The following XRN2 variants were observed in gnomAD, a reference collection of about 807,000 sequenced individuals.
XRN2 encodes the protein 5'-3' exoribonuclease 2, also known as DHM1-like protein.
In XRN2, 44 loss-of-function variants were observed where a neutral mutation model predicts 138.5. That is an observed-to-expected ratio of 0.32 (90% CI 0.25 to 0.41). The LOEUF is 0.41. Among genes scored for constraint, XRN2 ranks in the 10% least tolerant of loss-of-function variants. XRN2 has a pLI of 1.00. For missense variants in XRN2, 937 were observed against 1,169.3 expected, an observed-to-expected ratio of 0.80 and a Z score of 2.90; for synonymous variants, 354 against 369.4, an observed-to-expected ratio of 0.96 and a Z score of 0.48.
chr20:21,353,146 T>A (rs192672999), intron 20 of XRN2, among the ~76,000 whole-genome samples: 2 of 145,518 alleles, frequency 1.4e-5, no homozygotes, highest in African/African-American at 5.0e-5. Flanking sequence ...ATATAATATT[T>A]AATATTTAAT....
chr20:21,377,264 C>CTTTTTTTTTTTTTTTTTTTTTTTTTTTTT lies in XRN2; in HGVS notation c.2585-4716_2585-4715insTTTTTTTTTTTTTTTTTTTTTTTTTTTTT, dbSNP rs761622310. ...CCAACATATGATTTGTCGGTTTTTTCTTTTTTTTTTTTTTGGTCAGTCTTG... is the reference window on the plus strand; with the variant it reads ...CCAACATATGATTTGTCGGTTTTTTCTTTTTTTTTTTTTTTTTTTTTTTTTTTTTTTTTTTTTTTTTTTGGTCAGTCTTG... On this transcript the variant is annotated intron_variant, in intron 27 of 29. Transcript: ENST00000377191. 6.5e-4 allele frequency among the ~76,000 whole-genome samples: 54 copies of CTTTTTTTTTTTTTTTTTTTTTTTTTTTTT among 82,790 alleles called. 12 individuals carry two copies. Among genetic ancestry groups the CTTTTTTTTTTTTTTTTTTTTTTTTTTTTT allele is most frequent in the Admixed American group, 1.3e-3 (8 of 6,084 alleles). The allele number at this position is 82,790 out of a possible 152,430, so 54.3% of individuals were successfully genotyped here. A position where few individuals can be genotyped will look rare whatever the true frequency, so the allele number is the denominator to read the frequency against.
At chr20:21,358,789 A>G (rs193181434) in intron 24 of XRN2, among the ~76,000 whole-genome samples, 36 of 152,270 alleles carry the variant, frequency 2.4e-4, no homozygotes, top group Admixed American at 7.8e-4. Context: ...CTTTACACCT[A>G]ATTTGTCCTG....
At chr20:21,359,060 A>G (rs1057221725) in intron 24 of XRN2, among the ~76,000 whole-genome samples, 1 of 152,178 alleles carries the variant, frequency 6.6e-6, no homozygotes, top group Non-Finnish European at 1.5e-5. Flanking sequence ...ACCCTCTAGA[A>G]ATAGTTAATT....
chr20:21,363,330 A>G (rs774811369), intron 24 of XRN2, among the ~76,000 whole-genome samples: 3 of 152,118 alleles, frequency 2.0e-5, no homozygotes, highest in Non-Finnish European at 4.4e-5. Context: ...TAGTTTGGCA[A>G]AGTGCTAAAA....
Position 21,330,716 on chromosome 20 carries a change from C to G in XRN2, c.576+11C>G. On this transcript the variant is annotated intron_variant, in intron 6 of 29. Transcript: ENST00000377191. ...TGGAAAAATTTGACAGTAAGTTTCACATTTTGATACTTCAGAAAGATTAGG... is the reference window on the plus strand; with the variant it reads ...TGGAAAAATTTGACAGTAAGTTTCAGATTTTGATACTTCAGAAAGATTAGG... 6.2e-7 allele frequency: 1 copy of G among 1,603,870 alleles called. No homozygotes were observed. The highest frequency in any genetic ancestry group is 8.5e-7 in the Non-Finnish European group (1 of 1,172,788).
chr20:21,342,984 T>C (rs1056321903), intron 15 of XRN2, among the ~76,000 whole-genome samples: 1 of 152,170 alleles, frequency 6.6e-6, no homozygotes, highest in African/African-American at 2.4e-5. Context: ...ACATTGACAT[T>C]ATGTTTTTAA....
rs149245156 is a variant in XRN2 at position 21,373,540 on chromosome 20, G to A, written c.2584+4950G>A. 3.0e-3 allele frequency among the ~76,000 whole-genome samples: 456 copies of A among 152,326 alleles called. 1 individual carries two copies. The highest frequency in any genetic ancestry group is 0.011 in the African/African-American group (440 of 41,570). ...GTATGTTCAGCTTTAGTGAATGAAA[G>A]TGCCAGACACATTTTCCAAATTACA... On this transcript the variant is annotated intron_variant, in intron 27 of 29. Coordinates refer to ENST00000377191, the MANE Select transcript of XRN2 (RefSeq NM_012255.5).
intron 27 of XRN2, among the ~76,000 whole-genome samples, chr20:21,370,169 T>C (rs1315442143): frequency 6.6e-6 from 1 of 152,204 alleles, no homozygotes. Context: ...TCACTGTAGA[T>C]GTATGGATTT....
intron 1 of XRN2, among the ~76,000 whole-genome samples, chr20:21,324,623 C>A (rs991406745): frequency 6.6e-6 from 1 of 151,438 alleles, no homozygotes; most frequent in Non-Finnish European, 1.5e-5. Flanking sequence ...TGTTTCCTTT[C>A]CTCTAAGTTG....
intron 20 of XRN2, among the ~76,000 whole-genome samples, chr20:21,350,443 G>C (rs549546200): frequency 7.0e-6 from 1 of 142,156 alleles, no homozygotes; most frequent in Non-Finnish European, 1.5e-5. Context: ...GGAGAATGGC[G>C]TGAACCCGGG....
rs2037877228 is a variant in XRN2 at position 21,311,235 on chromosome 20, A to G, written c.75+7762A>G. On this transcript the variant is annotated intron_variant, in intron 1 of 29. Coordinates refer to ENST00000377191, the MANE Select transcript of XRN2 (RefSeq NM_012255.5). ...AACAATTTTATCATCCCAAACAGAA[A>G]CGCTACCTGTTAAACAGTAACTCCT... Among the ~76,000 whole-genome samples, 4 of 152,164 alleles carry G rather than the reference A, an allele frequency of 2.6e-5. No homozygotes were observed. The South Asian group carries it at 8.3e-4, about 31-fold the overall frequency.
intron 1 of XRN2, among the ~76,000 whole-genome samples, chr20:21,320,897 T>C (rs1301049364): frequency 6.6e-6 from 1 of 152,208 alleles, no homozygotes; most frequent in Non-Finnish European, 1.5e-5. Flanking sequence ...GGAGGGCTCC[T>C]CCCAGCCATC....
At chr20:21,352,498 T>G (rs1164881755) in intron 20 of XRN2, among the ~76,000 whole-genome samples, 4 of 151,906 alleles carry the variant, frequency 2.6e-5, no homozygotes, top group Admixed American at 6.6e-5. Context: ...CTGCCTAATT[T>G]TTTTGTATTT....
chr20:21,315,215 C>T (rs114057266), intron 1 of XRN2, among the ~76,000 whole-genome samples: 15 of 152,326 alleles, frequency 9.8e-5, no homozygotes, highest in African/African-American at 3.1e-4. Flanking sequence ...TTCCCTATTT[C>T]AGGATATTGC....
At chr20:21,362,805 A>G (rs2038652566) in intron 24 of XRN2, among the ~76,000 whole-genome samples, 1 of 152,188 alleles carries the variant, frequency 6.6e-6, no homozygotes, top group African/African-American at 2.4e-5. Flanking sequence ...TGTTGTATGT[A>G]TCAGATTGTA....
chr20:21,311,755 A>G (rs751584710), intron 1 of XRN2, among the ~76,000 whole-genome samples: 16 of 152,304 alleles, frequency 1.1e-4, no homozygotes, highest in Middle Eastern at 3.4e-3. Context: ...TGGGAGGCCA[A>G]GGAAGATGGA....
At chr20:21,339,680 A>G (rs925732249) in intron 14 of XRN2, among the ~76,000 whole-genome samples, 1 of 152,216 alleles carries the variant, frequency 6.6e-6, no homozygotes, top group African/African-American at 2.4e-5. Context: ...CACTGACATC[A>G]TACCTTTTCT....
chr20:21,321,059 A>G (rs1214320926), intron 1 of XRN2, among the ~76,000 whole-genome samples: 1 of 152,122 alleles, frequency 6.6e-6, no homozygotes, highest in African/African-American at 2.4e-5. Flanking sequence ...TCTGTTGCCC[A>G]GGCTGGAGTG....
In XRN2 at chr20:21,303,430, G is replaced by A. The variant is rs1267285950; in HGVS notation, c.32G>A (p.Ser11Asn). 6.5e-7 allele frequency: 1 copy of A among 1,548,746 alleles called. No individual in the cohort carries two copies. The highest frequency in any genetic ancestry group is 2.0e-5 in the Admixed American group (1 of 50,836). Residue 11 changes from serine (S) to asparagine (N), a missense_variant, in exon 1 of 30, where the codon AGC (serine) becomes AAC (asparagine). By Grantham distance (46) the Ser-to-Asn change is conservative (BLOSUM62 1). Transcript: ENST00000377191. MGVPAFFRWL[S>N]RKYPSIIVNC... ...GTCCCGGCGTTCTTCCGCTGGCTCA[G>A]CCGCAAGTACCCGTCCATCATAGTC...
Sources: gnomAD v4.1 joint callset for allele counts (sites outside exome capture counted in the v4.1 genomes callset) on GRCh38, gnomAD v4.1.1 for gene constraint, MANE v1.5 for transcripts, NCBI Gene and HGNC (gene_info 2026-07-23, HGNC 2026-07-21) for gene names.